APBA2: variants seen among roughly 807,000 people sequenced by gnomAD.
The protein encoded by APBA2 is amyloid-beta A4 precursor protein-binding family A member 2.
A neutral mutation model predicts 75.0 loss-of-function variants in APBA2; 30 were observed. The observed-to-expected ratio is 0.40, with a 90% CI of 0.30 to 0.54. APBA2 has a LOEUF of 0.54. Ranked by LOEUF, APBA2 falls within the 20% of genes least tolerant of loss-of-function variation. The pLI, the probability that APBA2 is intolerant of heterozygous loss-of-function variation, is 0.49. For missense variants in APBA2, 801 were observed against 1,016.1 expected, an observed-to-expected ratio of 0.79 and a Z score of 2.88; for synonymous variants, 444 against 409.6, an observed-to-expected ratio of 1.08 and a Z score of -1.01.
Position 29,053,056 on chromosome 15 carries a change from C to T in APBA2, c.-40-789C>T, listed in dbSNP as rs868657728. On this transcript the variant is annotated intron_variant, in intron 3 of 14. Transcript: ENST00000683413. The stretch of plus-strand genomic sequence containing the variant: ...TTGGGGGACATATTAAGGCCATAGC[C>T]GTGTGGTTTGGGGGATAAAGTGCAG... 9.7e-4 allele frequency among the ~76,000 whole-genome samples: 148 copies of T among 152,256 alleles called. 1 individual carries two copies. Among genetic ancestry groups the T allele is most frequent in the African/African-American group, 3.4e-3 (141 of 41,552 alleles).
At chr15:29,109,327 A>G (rs56730285) in intron 13 of APBA2, among the ~76,000 whole-genome samples, 2 of 152,260 alleles carry the variant, frequency 1.3e-5, no homozygotes, top group Admixed American at 6.5e-5. Context: ...TTTAGGGTCC[A>G]TCTCTGACCC....
intron 1 of APBA2, among the ~76,000 whole-genome samples, chr15:28,895,047 T>C (rs2032386235): frequency 6.6e-6 from 1 of 152,158 alleles, no homozygotes. Context: ...ATTTTACCCT[T>C]TAGAGATTTA....
intron 2 of APBA2, among the ~76,000 whole-genome samples, chr15:28,978,942 G>T (rs1383658372): frequency 6.6e-6 from 1 of 152,236 alleles, no homozygotes; most frequent in Non-Finnish European, 1.5e-5. Flanking sequence ...ATGCCCGGCA[G>T]GTCAGGGGAC....
At chr15:29,109,474 C>G (rs1042743027) in intron 13 of APBA2, among the ~76,000 whole-genome samples, 12 of 152,230 alleles carry the variant, frequency 7.9e-5, no homozygotes, top group Admixed American at 7.9e-4. Flanking sequence ...CAAAGCCACT[C>G]AGGGGCCCAG....
chr15:28,934,204 C>T (rs865830465), intron 2 of APBA2, among the ~76,000 whole-genome samples: 8 of 152,148 alleles, frequency 5.3e-5, no homozygotes, highest in Admixed American at 4.6e-4. Context: ...GCCGGTGCCA[C>T]TGCAGGCTTT....
intron 2 of APBA2, among the ~76,000 whole-genome samples, chr15:28,975,903 C>G (rs1430687861): frequency 6.6e-6 from 1 of 152,214 alleles, no homozygotes; most frequent in African/African-American, 2.4e-5. Flanking sequence ...TCAGATTGCT[C>G]CACCCCTGGA....
rs1470704019 is a variant in APBA2, at chr15:28,921,743, A to T, written c.-101A>T. On this transcript the variant is annotated 5_prime_UTR_variant, in exon 2 of 15. Coordinates refer to ENST00000683413, the MANE Select transcript of APBA2 (RefSeq NM_001353788.2). The stretch of plus-strand genomic sequence containing the variant: ...GGTGAGCCTCTTCTTGTGTCTGGAG[A>T]TTCTGAGTGAGTAGAACCCGTTATG... 2 of 152,066 alleles carry T rather than the reference A, an allele frequency of 1.3e-5. No homozygotes were observed. The highest frequency in any genetic ancestry group is 2.9e-5 in the Non-Finnish European group (2 of 68,048). 9.4% of individuals were successfully genotyped at this position (152,066 alleles called of 1,614,324 possible).
chr15:29,115,757 G>A (rs1471994305), intron 14 of APBA2, among the ~76,000 whole-genome samples: 2 of 152,220 alleles, frequency 1.3e-5, no homozygotes, highest in Non-Finnish European at 2.9e-5. Context: ...AGCCCCTGCC[G>A]GGAGCAGGAG....
chr15:29,114,748 G>C (rs1049133424), intron 14 of APBA2, among the ~76,000 whole-genome samples: 56 of 150,250 alleles, frequency 3.7e-4, no homozygotes, highest in Admixed American at 3.7e-3. Flanking sequence ...ATGGGTGTGG[G>C]TGTGTGGCTG....
intron 6 of APBA2, among the ~76,000 whole-genome samples, chr15:29,091,275 G>A (rs944395377): frequency 6.6e-6 from 1 of 152,176 alleles, no homozygotes; most frequent in African/African-American, 2.4e-5. Context: ...ACAGGGGAGG[G>A]ATGGGGGTCC....
intron 1 of APBA2, among the ~76,000 whole-genome samples, chr15:28,897,608 A>G (rs550769342): frequency 1.1e-4 from 11 of 102,252 alleles, no homozygotes. Flanking sequence ...ACAGAGCGAG[A>G]TTCCGTCTCA....
chr15:29,031,302 G>A (rs576648855), intron 3 of APBA2, among the ~76,000 whole-genome samples: 11 of 152,184 alleles, frequency 7.2e-5, no homozygotes, highest in South Asian at 2.1e-4. Flanking sequence ...ACTTGGTGTC[G>A]GAATCCATAG....
rs373842055 is a variant in APBA2 at position 29,105,466 on chromosome 15, T to C, written c.1612T>C (p.Leu538=). 160 of 1,613,914 alleles carry C rather than the reference T, an allele frequency of 9.9e-5. 1 individual carries two copies. The African/African-American group carries it at 2.0e-3, about 20-fold the overall frequency. Residue 538 remains leucine (L), a synonymous_variant, in exon 11 of 15, where the codon TTG becomes CTG. Coordinates refer to ENST00000683413, the MANE Select transcript of APBA2 (RefSeq NM_001353788.2). Reference sequence around the variant, plus strand: ...AGCCAATGGCATCAACCCCGAAGACTTGAGCCAGAAGGAATACAGCGACAT... The same window carrying C: ...AGCCAATGGCATCAACCCCGAAGACCTGAGCCAGAAGGAATACAGCGACAT... ...LRANGINPED[L]SQKEYSDIIN...
rs2036783394 is a variant in APBA2, at chr15:28,967,181, T to C, written c.-94-28572T>C. Among the ~76,000 whole-genome samples, 3 of 152,190 alleles carry C rather than the reference T, an allele frequency of 2.0e-5. No homozygotes were observed. The South Asian group carries it at 6.2e-4, about 31-fold the overall frequency. On this transcript the variant is annotated intron_variant, in intron 2 of 14. Coordinates refer to ENST00000683413, the MANE Select transcript of APBA2 (RefSeq NM_001353788.2). ...TTTCTCCTTCATTTCTTTTTTTTGA[T>C]AGCAAATTTATTGAGTCATAATTCA...
chr15:28,948,481 C>G (rs954180365), intron 2 of APBA2, among the ~76,000 whole-genome samples: 1 of 152,072 alleles, frequency 6.6e-6, no homozygotes, highest in African/African-American at 2.4e-5. Context: ...CCCTGTGTAA[C>G]TTCAGAGTTT....
At chr15:28,917,321 C>T (rs977941150) in intron 1 of APBA2, among the ~76,000 whole-genome samples, 4 of 152,118 alleles carry the variant, frequency 2.6e-5, no homozygotes, top group African/African-American at 9.7e-5. Context: ...AGCCTGATGG[C>T]CCTCACCAGC....
intron 1 of APBA2, among the ~76,000 whole-genome samples, chr15:28,917,355 C>T (rs1274167408): frequency 6.6e-6 from 1 of 152,172 alleles, no homozygotes; most frequent in Non-Finnish European, 1.5e-5. Flanking sequence ...TGCTCCCCTC[C>T]AGGGCTCCTT....
chr15:28,938,444 TTTA>T (rs1339451832), intron 2 of APBA2, among the ~76,000 whole-genome samples: 1 of 152,126 alleles, frequency 6.6e-6, no homozygotes, highest in Non-Finnish European at 1.5e-5. Flanking sequence ...TGTTTAAAAG[TTTA>T]TTTTTATTTT....
chr15:29,116,957 A>T, intron 14 of APBA2, 105 bp from the exon 15 acceptor site: 1 of 1,250,544 alleles, frequency 8.0e-7, no homozygotes, highest in Non-Finnish European at 1.2e-6. Flanking sequence ...GGAGATGGGC[A>T]TTTGAAGCAG....
Sources: gnomAD v4.1 joint callset for allele counts (sites outside exome capture counted in the v4.1 genomes callset) on GRCh38, gnomAD v4.1.1 for gene constraint, MANE v1.5 for transcripts, NCBI Gene and HGNC (gene_info 2026-07-23, HGNC 2026-07-21) for gene names.